Variants in CSMD1 observed in about 807,000 individuals in gnomAD.
CSMD1 encodes the protein CUB and sushi domain-containing protein 1.
In CSMD1, 213 loss-of-function variants were observed where a neutral mutation model predicts 417.5. The ratio of observed to expected loss-of-function variants is 0.51; its 90% CI spans 0.46 to 0.57. The LOEUF is 0.57. Ranked by LOEUF, CSMD1 falls within the 20% of genes least tolerant of loss-of-function variation. The pLI, the probability that CSMD1 is intolerant of heterozygous loss-of-function variation, is 0.00. For synonymous variants in CSMD1, 2,862 were observed against 1,736.8 expected (o/e 1.65, Z -16.11); for missense variants, 6,923 against 4,529.7 (o/e 1.53, Z -15.17).
chr8:4,618,710 T>C (rs1269830928), intron 2 of CSMD1, among the ~76,000 whole-genome samples: 2 of 152,172 alleles, frequency 1.3e-5, no homozygotes, highest in South Asian at 2.1e-4. Context: ...CAAAACGTGA[T>C]GCATGGACCT....
At chr8:3,427,457 T>A (rs1213767453) in intron 12 of CSMD1, among the ~76,000 whole-genome samples, 1 of 152,124 alleles carries the variant, frequency 6.6e-6, no homozygotes, top group Admixed American at 6.6e-5. Flanking sequence ...TATATATATA[T>A]TTTTGAAACC....
At chr8:4,181,373 T>C (rs1384648649) in intron 3 of CSMD1, among the ~76,000 whole-genome samples, 1 of 152,022 alleles carries the variant, frequency 6.6e-6, no homozygotes, top group African/African-American at 2.4e-5. Context: ...ATTTATTTTT[T>C]TTTTGAATGC....
At chr8:3,480,577 C>A (rs1217606332) in intron 11 of CSMD1, among the ~76,000 whole-genome samples, 1 of 151,648 alleles carries the variant, frequency 6.6e-6, no homozygotes, top group Admixed American at 6.6e-5. Context: ...ATTTATAGAC[C>A]CAAAAAAATC....
chr8:4,663,186 T>C (rs1352333144), intron 1 of CSMD1, among the ~76,000 whole-genome samples: 2 of 152,168 alleles, frequency 1.3e-5, no homozygotes, highest in African/African-American at 4.8e-5. Context: ...GAAGTGCTGG[T>C]TCTCTTGGCA....
At chr8:4,727,648 ATCCACGGGGACCAGC>A (rs2116939273) in intron 1 of CSMD1, among the ~76,000 whole-genome samples, 1 of 152,182 alleles carries the variant, frequency 6.6e-6, no homozygotes, top group Non-Finnish European at 1.5e-5. Flanking sequence ...CCCACTTGAA[ATCCACGGGGACCAGC>A]TCTACTAGTC....
intron 3 of CSMD1, among the ~76,000 whole-genome samples, chr8:4,286,722 C>CGT (rs1373347927): frequency 2.0e-5 from 3 of 152,294 alleles, no homozygotes; most frequent in East Asian, 3.9e-4. Context: ...GCAGCTCACA[C>CGT]GGTAGACTCC....
At chr8:3,165,043 AAC>A (rs1820123253) in intron 37 of CSMD1, among the ~76,000 whole-genome samples, 1 of 151,934 alleles carries the variant, frequency 6.6e-6, no homozygotes, top group Admixed American at 6.5e-5. Flanking sequence ...ATAAAATAAA[AAC>A]ACACAAAAAT....
chr8:3,568,929 T>A (rs1231865733), intron 10 of CSMD1, among the ~76,000 whole-genome samples: 1 of 152,174 alleles, frequency 6.6e-6, no homozygotes, highest in Non-Finnish European at 1.5e-5. Flanking sequence ...TTTGAGAGAA[T>A]TTTATCTTAA....
chr8:4,595,086 C>G (rs1800184215), intron 2 of CSMD1, among the ~76,000 whole-genome samples: 1 of 152,118 alleles, frequency 6.6e-6, no homozygotes, highest in South Asian at 2.1e-4. Flanking sequence ...TTTTTTATAA[C>G]TTTAATAGGG....
At chr8:3,629,161 T>C (rs903022724) in intron 7 of CSMD1, among the ~76,000 whole-genome samples, 1 of 152,048 alleles carries the variant, frequency 6.6e-6, no homozygotes, top group Admixed American at 6.6e-5. Context: ...CCCGGGATGT[T>C]CGCAGGACGC....
At chr8:3,715,338 T>G (rs1801769278) in intron 6 of CSMD1, among the ~76,000 whole-genome samples, 1 of 152,154 alleles carries the variant, frequency 6.6e-6, no homozygotes, top group Non-Finnish European at 1.5e-5. Flanking sequence ...TGTGGTTGTT[T>G]TCCTGAAGGA....
intron 3 of CSMD1, among the ~76,000 whole-genome samples, chr8:4,369,362 C>T (rs1425295160): frequency 3.9e-5 from 6 of 152,012 alleles, no homozygotes; most frequent in Non-Finnish European, 5.9e-5. Context: ...TAAGGCCAAG[C>T]ATGTGGTTGA....
At chr8:4,744,675 C>A (rs1028996226) in intron 1 of CSMD1, among the ~76,000 whole-genome samples, 3 of 152,052 alleles carry the variant, frequency 2.0e-5, no homozygotes, top group Non-Finnish European at 2.9e-5. Context: ...GTCTCTGGAC[C>A]TTGTCAGATA....
chr8:4,376,695 C>G (rs931304846), intron 3 of CSMD1, among the ~76,000 whole-genome samples: 3 of 152,142 alleles, frequency 2.0e-5, no homozygotes, highest in African/African-American at 4.8e-5. Context: ...AATATTAATT[C>G]TTTAATCTTT....
intron 2 of CSMD1, among the ~76,000 whole-genome samples, chr8:4,568,901 T>C (rs1356835094): frequency 6.6e-6 from 1 of 152,252 alleles, no homozygotes; most frequent in African/African-American, 2.4e-5. Flanking sequence ...CATATGTTTT[T>C]GGCAGCATAA....
At position 3,227,593 on chromosome 8, in the gene CSMD1, A is replaced by G. The variant is rs1220005403; in HGVS notation, c.4345+2447T>C. Among the ~76,000 whole-genome samples the G allele has an allele frequency of 2.6e-5, 4 of 152,144 alleles. No homozygotes were observed. The East Asian group carries it at 5.8e-4, about 22-fold the overall frequency. ...AGAAAGATCAATATTGGTAGATTCAAACAAATAGATACTAGAGAGTGGCAT... is the reference window on the plus strand; with the variant it reads ...AGAAAGATCAATATTGGTAGATTCAGACAAATAGATACTAGAGAGTGGCAT... On this transcript the variant is annotated intron_variant, in intron 27 of 69. Transcript: ENST00000635120.
At chr8:4,676,521 T>A (rs1805691112) in intron 1 of CSMD1, among the ~76,000 whole-genome samples, 1 of 152,180 alleles carries the variant, frequency 6.6e-6, no homozygotes, top group South Asian at 2.1e-4. Flanking sequence ...ATATATCTCA[T>A]AATTTCCTGT....
In CSMD1 at chr8:3,110,261, G is replaced by A. The variant is rs1224977137; in HGVS notation, c.6505C>T (p.Leu2169=). ...GTGATGAGCCAAATGCAGTCCTTCA[G>A]GATCGGATACTCATCAGGAAAGCCA... is the stretch of plus-strand genomic sequence containing the variant. ...SPGFPDEYPI[L]KDCIWLITVP... is the part of the protein sequence containing the mutation. Residue 2169 remains leucine (L), a synonymous_variant, in exon 43 of 70, where the codon CTG becomes TTG. Transcript: ENST00000635120. 1.2e-6 allele frequency: 2 copies of A among 1,613,546 alleles called. No homozygotes were observed. The highest frequency in any genetic ancestry group is 1.7e-6 in the Non-Finnish European group (2 of 1,179,716).
intron 20 of CSMD1, among the ~76,000 whole-genome samples, chr8:3,360,383 T>G (rs749973724): frequency 3.3e-5 from 5 of 152,256 alleles, no homozygotes; most frequent in Non-Finnish European, 5.9e-5. Context: ...GTACGTATAA[T>G]TGAGCTCTGG....
Sources: allele counts gnomAD v4.1 joint callset (sites outside exome capture counted in the v4.1 genomes callset), GRCh38; gene constraint gnomAD v4.1.1; transcripts MANE v1.5; gene names NCBI Gene and HGNC (gene_info 2026-07-23, HGNC 2026-07-21).